The following SETD1B variants were observed in gnomAD, a reference collection of about 807,000 sequenced individuals.
SETD1B encodes histone-lysine N-methyltransferase SETD1B.
A neutral mutation model predicts 148.0 loss-of-function variants in SETD1B; 7 were observed. The ratio of observed to expected loss-of-function variants is 0.05; its 90% CI spans 0.03 to 0.09. The LOEUF is 0.09. Ranked by LOEUF, SETD1B falls within the 10% of genes least tolerant of loss-of-function variation. The pLI is 1.00. For synonymous variants in SETD1B, 1,361 were observed against 1,186.5 expected (o/e 1.15, Z -3.02); for missense variants, 2,155 against 2,729.9 (o/e 0.79, Z 4.69).
Position 121,823,730 on chromosome 12 carries a change from G to A in SETD1B, c.5151G>A (p.Thr1717=), listed in dbSNP as rs1466322534. The change falls in exon 12 of 17, where the codon ACG becomes ACA. Residue 1717 remains threonine, a synonymous_variant. Transcript: ENST00000604567. ...QDNGMDWLND[T]LWVYHPSTSL... ...ATGGCATGGACTGGCTTAACGACACGCTCTGGGTCTACCATCCCTATATCC... is the reference window on the plus strand; with the variant it reads ...ATGGCATGGACTGGCTTAACGACACACTCTGGGTCTACCATCCCTATATCC... 7.1e-6 allele frequency: 11 copies of A among 1,550,206 alleles called. No individual in the cohort carries two copies. The highest frequency in any genetic ancestry group is 1.2e-5 in the South Asian group (1 of 84,046).
the SETD1B span, chr12:121,797,383 A>AT: frequency 2.2e-6 from 1 of 446,142 alleles, no homozygotes; most frequent in East Asian, 7.0e-5. Flanking sequence ...TCGCTGGGTG[A>AT]CCGGTGGGCG....
At chr12:121,814,013 G>A (rs1406342307) in intron 6 of SETD1B, 93 bp from the exon 7 acceptor site, 1 of 1,026,932 alleles carries the variant, frequency 9.7e-7, no homozygotes, top group African/African-American at 1.6e-5. Flanking sequence ...ACACAGCTGG[G>A]AGTGCCACTG....
At chr12:121,819,192 C>G (rs530867868) in intron 10 of SETD1B, among the ~76,000 whole-genome samples, 2 of 152,044 alleles carry the variant, frequency 1.3e-5, no homozygotes, top group Admixed American at 1.3e-4. Flanking sequence ...TGCAGTGAGC[C>G]GAGATCGTGC....
At chr12:121,798,597 T>C in the SETD1B span, among the ~76,000 whole-genome samples, 1 of 152,246 alleles carries the variant, frequency 6.6e-6, no homozygotes, top group South Asian at 2.1e-4. Flanking sequence ...TGAGAGATCC[T>C]AGCCCATGGC....
the SETD1B span, chr12:121,793,735 G>T: frequency 2.7e-6 from 3 of 1,110,012 alleles, no homozygotes; most frequent in Non-Finnish European, 3.6e-6. Flanking sequence ...ACTCGGAGCA[G>T]CGCCGCCTCC....
At chr12:121,797,309 C>T in the SETD1B span, 6 of 389,186 alleles carry the variant, frequency 1.5e-5, no homozygotes, top group South Asian at 3.7e-5. Flanking sequence ...CCGGCCCTTC[C>T]GCTGGCGTGG....
Position 121,814,460 on chromosome 12 carries a change from C to T in SETD1B, c.2245C>T (p.Pro749Ser). ...PPILPPLPPF[P>S]PGLFPVMQVD... ...CATCCTGCCACCACTGCCCCCCTTT[C>T]CGCCGGGCCTGTTCCCTGTGATGCA... The change falls in exon 7 of 17, where the codon CCG becomes TCG. Residue 749 changes from proline (P) to serine (S), a missense_variant. By Grantham distance (74) the Pro-to-Ser change is moderately conservative (BLOSUM62 -1). This residue lies in a region of SETD1B where 289 missense variants were observed against 423.7 expected (regional missense o/e 0.68). Coordinates refer to ENST00000604567, the MANE Select transcript of SETD1B (RefSeq NM_001353345.2). 1 of 1,442,372 alleles carries T rather than the reference C, an allele frequency of 6.9e-7. No homozygotes were observed. The highest frequency in any genetic ancestry group is 1.5e-5 in the South Asian group (1 of 68,176). 89.3% of individuals were successfully genotyped at this position (1,442,372 alleles called of 1,614,324 possible).
At position 121,805,972 on chromosome 12, in the gene SETD1B, C is replaced by T. The variant is rs956643511; in HGVS notation, c.411C>T (p.Asn137=). 2 of 1,551,556 alleles carry T rather than the reference C, an allele frequency of 1.3e-6. No individual in the cohort carries two copies. Among genetic ancestry groups the T allele is most frequent in the African/African-American group, 1.4e-5 (1 of 73,022 alleles). The change falls in exon 4 of 17, where the codon AAC becomes AAT. Residue 137 remains asparagine, a synonymous_variant. Transcript: ENST00000604567. The surrounding 1 kb of genome is among the most constrained non-coding windows in gnomAD (Gnocchi z 4.2). The part of the protein sequence containing the change: ...GEVEEVEILY[N]PKTKKHLGIA... ...TGGAGGAGGTGGAGATTTTGTACAACCCCAAGACCAAGAAGCACCTGGGCA... is the reference window on the plus strand; with the variant it reads ...TGGAGGAGGTGGAGATTTTGTACAATCCCAAGACCAAGAAGCACCTGGGCA...
chr12:121,825,405 G>A lies in SETD1B; in HGVS notation c.5337+39G>A, dbSNP rs1185055892. 2.0e-6 allele frequency: 3 copies of A among 1,528,170 alleles called. No individual in the cohort carries two copies. In the South Asian group the frequency reaches 3.6e-5, roughly 18 times the overall value. The allele number at this position is 1,528,170 out of a possible 1,614,324, so 94.7% of individuals were successfully genotyped here. A position where few individuals can be genotyped will look rare whatever the true frequency, so the allele number is the denominator to read the frequency against. The stretch of plus-strand genomic sequence containing the variant: ...TCCTGGACACATCAGAGCCTGCTGG[G>A]CTGGGCCACGGGGATCCAGGGCACT... On this transcript the variant is annotated intron_variant, in intron 13 of 16. Coordinates refer to ENST00000604567, the MANE Select transcript of SETD1B (RefSeq NM_001353345.2).
the SETD1B span, chr12:121,793,357 G>T: frequency 2.1e-6 from 3 of 1,428,556 alleles, no homozygotes; most frequent in Non-Finnish European, 2.9e-6. Context: ...ACCCCGCTGG[G>T]CTCTGGAATT....
upstream of SETD1B, chr12:121,800,794 G>A (rs1875308353): frequency 6.7e-6 from 1 of 149,744 alleles, no homozygotes; most frequent in Non-Finnish European, 1.5e-5. Flanking sequence ...CCCCCGAAAC[G>A]GCCCCCGACA....
Position 121,810,741 on chromosome 12 carries a change from GC to G in SETD1B, c.1802del (p.Pro601ArgfsTer7). The G allele has an allele frequency of 6.4e-7, 1 of 1,551,008 alleles. No homozygotes were observed. The highest frequency in any genetic ancestry group is 8.7e-7 in the Non-Finnish European group (1 of 1,146,694). On this transcript the variant is annotated frameshift_variant, in exon 6 of 17. Coordinates refer to ENST00000604567, the MANE Select transcript of SETD1B (RefSeq NM_001353345.2). LOFTEE classifies it high-confidence loss of function. This position sits in a 1 kb window ranked among gnomAD's most constrained non-coding sequence, Gnocchi z 7.6. ...GGGCCTCGGCCTCCACCTGAGCCAG[GC>G]CCCCCGGACCCTGCTGGGCTTCTGA... is the stretch of plus-strand genomic sequence containing the variant. ...GLGPRPPPEP[G>X]PPDPAGLLSQ... is the part of the protein sequence containing the mutation.
Position 121,830,400 on chromosome 12 carries a change from G to A in SETD1B, c.*161G>A. On this transcript the variant is annotated 3_prime_UTR_variant, in exon 17 of 17. Coordinates refer to ENST00000604567, the MANE Select transcript of SETD1B (RefSeq NM_001353345.2). The surrounding 1 kb of genome is among the most constrained non-coding windows in gnomAD (Gnocchi z 5.7). The stretch of plus-strand genomic sequence containing the variant: ...CTGGCGCCCCACACTACCCCCTGGA[G>A]CCCCTGGCTCCGGCCCCTCCGCGGG... The A allele has an allele frequency of 1.6e-6, 1 of 632,290 alleles. No individual in the cohort carries two copies. The highest frequency in any genetic ancestry group is 2.1e-5 in the South Asian group (1 of 46,772). 39.2% of individuals were successfully genotyped at this position (632,290 alleles called of 1,614,324 possible). A position where few individuals can be genotyped will look rare whatever the true frequency, so the allele number is the denominator to read the frequency against.
At chr12:121,819,339 G>T (rs1876452170) in intron 10 of SETD1B, 65 bp from the exon 11 acceptor site, 2 of 1,540,944 alleles carry the variant, frequency 1.3e-6, no homozygotes, top group South Asian at 1.2e-5. Context: ...CATTGGTGAG[G>T]GGTCTGGTGG....
chr12:121,822,531 C>T lies in SETD1B; in HGVS notation c.3952C>T (p.Pro1318Ser). ...GGAGCCGGAGCCCCCTATGATGCTC[C>T]CCTTGCCGCTGCAACCACCATTGCC... Reference protein sequence around the residue: ...EVEPEPPMMLPLPLQPPLPPP... With the variant: ...EVEPEPPMMLSLPLQPPLPPP... The change falls in exon 12 of 17, where the codon CCC (proline) becomes TCC (serine). Residue 1318 changes from proline to serine, a missense_variant. Transcript: ENST00000604567. 6.4e-7 allele frequency: 1 copy of T among 1,550,662 alleles called. No homozygotes were observed. The highest frequency in any genetic ancestry group is 1.2e-5 in the South Asian group (1 of 83,906).
chr12:121,829,745 C>T (rs1037116457), intron 16 of SETD1B, among the ~76,000 whole-genome samples: 9 of 152,310 alleles, frequency 5.9e-5, no homozygotes, highest in East Asian at 1.9e-4. Flanking sequence ...AAACAGGCTG[C>T]TAGGGGCTAT....
Position 121,817,859 on chromosome 12 carries a change from G to A in SETD1B, c.3373G>A (p.Ala1125Thr), listed in dbSNP as rs959570677. Residue 1125 changes from alanine (A) to threonine (T), a missense_variant, in exon 10 of 17, where the codon GCC (alanine) becomes ACC (threonine). Physicochemically the swap from Ala to Thr is moderately conservative, Grantham distance 58. This residue lies in a region of SETD1B where 862 missense variants were observed against 873.8 expected (regional missense o/e 0.99). Coordinates refer to ENST00000604567, the MANE Select transcript of SETD1B (RefSeq NM_001353345.2). This position sits in a 1 kb window ranked among gnomAD's most constrained non-coding sequence, Gnocchi z 8.1. ...GTCTGAGAACGATGACGAGGACACA[G>A]CCCTGTCAGAGGCGAGTGAGAAGGA... ...DESENDDEDT[A>T]LSEASEKDEG... The A allele has an allele frequency of 6.4e-7, 1 of 1,551,136 alleles. No homozygotes were observed. Among genetic ancestry groups the A allele is most frequent in the Non-Finnish European group, 8.7e-7 (1 of 1,146,726 alleles).
rs1285055383 is a variant in SETD1B at position 121,804,977 on chromosome 12, C to T, written c.174+66C>T. 1.2e-5 allele frequency: 18 copies of T among 1,467,346 alleles called. No individual in the cohort carries two copies. The highest frequency in any genetic ancestry group is 1.6e-5 in the Non-Finnish European group (18 of 1,098,766). 90.9% of individuals were successfully genotyped at this position (1,467,346 alleles called of 1,614,324 possible). The stretch of plus-strand genomic sequence containing the variant: ...TGTCCGGGGAGACGCGCCTAGCGGC[C>T]AGGGACCCCCCGCCCGATCCCCCGG... On this transcript the variant is annotated intron_variant, in intron 2 of 16. Coordinates refer to ENST00000604567, the MANE Select transcript of SETD1B (RefSeq NM_001353345.2). The surrounding 1 kb of genome is among the most constrained non-coding windows in gnomAD (Gnocchi z 4.6).
intron 6 of SETD1B, among the ~76,000 whole-genome samples, chr12:121,813,516 C>A (rs1422141221): frequency 2.0e-5 from 3 of 152,174 alleles, no homozygotes; most frequent in African/African-American, 7.2e-5. Context: ...TACTTAAATT[C>A]TCTGTGCCCC....
Sources: allele counts gnomAD v4.1 joint callset (sites outside exome capture counted in the v4.1 genomes callset), GRCh38; gene constraint gnomAD v4.1.1; regional missense constraint gnomAD v4.1.1; non-coding constraint Gnocchi (gnomAD v3.1); transcripts MANE v1.5; gene names NCBI Gene and HGNC (gene_info 2026-07-23, HGNC 2026-07-21).